GCNA: variants seen among roughly 807,000 people sequenced by gnomAD.
The protein encoded by GCNA is germ cell nuclear acidic peptidase.
Under a neutral mutation model 38.8 loss-of-function variants are expected in GCNA, and 3 were observed. The ratio of observed to expected loss-of-function variants is 0.08; its 90% CI spans 0.04 to 0.20. GCNA has a LOEUF of 0.20. Ranked by LOEUF, GCNA falls within the 10% of genes least tolerant of loss-of-function variation. The pLI is 1.00. For synonymous variants in GCNA, 195 were observed against 240.2 expected, an observed-to-expected ratio of 0.81 and a Z score of 1.74; for missense variants, 446 against 578.6, an observed-to-expected ratio of 0.77 and a Z score of 2.35.
intron 7 of GCNA, 80 bp downstream of exon 7, chrX:71,598,118 G>T (rs372784636): frequency 4.2e-6 from 3 of 714,836 alleles, no homozygotes; most frequent in South Asian, 2.5e-5. Context: ...ATCAGAGTCC[G>T]CAGACTTTCT....
intron 4 of GCNA, among the ~76,000 whole-genome samples, chrX:71,593,598 A>T (rs2040647288): frequency 9.5e-6 from 1 of 104,793 alleles, no homozygotes; most frequent in Non-Finnish European, 2.0e-5. Flanking sequence ...AAGAGGCCCC[A>T]GCATCGTGGC....
intron 9 of GCNA, among the ~76,000 whole-genome samples, chrX:71,607,266 G>T (rs747921297): frequency 1.8e-5 from 2 of 112,350 alleles, no homozygotes; most frequent in Non-Finnish European, 3.8e-5. Flanking sequence ...AGGCAGAAAT[G>T]TTTGAGTCCC....
chrX:71,611,544 T>TAAATTTTA (rs1287970209), intron 11 of GCNA, among the ~76,000 whole-genome samples: 1 of 111,945 alleles, frequency 8.9e-6, no homozygotes, highest in Non-Finnish European at 1.9e-5. Flanking sequence ...ACTTAGTCTC[T>TAAATTTTA]AAAATGTTTT....
chrX:71,601,169 C>A (rs1428357009), intron 7 of GCNA, among the ~76,000 whole-genome samples: 1 of 111,242 alleles, frequency 9.0e-6, no homozygotes, highest in East Asian at 2.8e-4. Flanking sequence ...CATGGTGAAA[C>A]CCCGTCTCTA....
intron 6 of GCNA, 143 bp from the exon 7 acceptor site, chrX:71,597,807 A>G: frequency 1.1e-5 from 5 of 442,381 alleles, no homozygotes; most frequent in Non-Finnish European, 2.0e-5. Context: ...AGGATTGAGT[A>G]GTTCCAAAGG....
chrX:71,581,270 T>A (rs1342779589), intron 2 of GCNA, among the ~76,000 whole-genome samples: 1 of 112,329 alleles, frequency 8.9e-6, no homozygotes, highest in Non-Finnish European at 1.9e-5. Context: ...TTGTTTTAAA[T>A]TTTTTTATGG....
intron 2 of GCNA, among the ~76,000 whole-genome samples, chrX:71,584,275 C>T (rs1422652050): frequency 1.8e-5 from 2 of 110,364 alleles, no homozygotes; most frequent in Non-Finnish European, 3.8e-5. Flanking sequence ...TTGTTTGAGA[C>T]GGTATTACTC....
chrX:71,605,342 G>C lies in GCNA; in HGVS notation c.1400-321G>C, dbSNP rs749165326. The stretch of plus-strand genomic sequence containing the variant: ...ACTCATTGGAGCAGGTGTGTGAGCT[G>C]TTCCATAGCACCCCTTCGACTGTGC... On this transcript the variant is annotated intron_variant, in intron 8 of 12. Coordinates refer to ENST00000373696, the MANE Select transcript of GCNA (RefSeq NM_052957.5). 2.7e-5 allele frequency among the ~76,000 whole-genome samples: 3 copies of C among 112,850 alleles called. No homozygotes were observed. In the South Asian group the frequency reaches 1.1e-3, roughly 41 times the overall value.
intron 6 of GCNA, among the ~76,000 whole-genome samples, chrX:71,595,108 T>A (rs138775711): frequency 1.8e-5 from 2 of 111,818 alleles, no homozygotes; most frequent in African/African-American, 3.2e-5. Context: ...AGTTTAGTTT[T>A]GTTTTGTTTT....
intron 2 of GCNA, among the ~76,000 whole-genome samples, chrX:71,586,865 C>G (rs2040589438): frequency 8.9e-6 from 1 of 111,814 alleles, no homozygotes; most frequent in Non-Finnish European, 1.9e-5. Flanking sequence ...CTGCCTCAGC[C>G]TCCCAAAATG....
At chrX:71,591,317 GC>G (rs886826384) in intron 2 of GCNA, among the ~76,000 whole-genome samples, 1 of 109,911 alleles carries the variant, frequency 9.1e-6, no homozygotes, top group Non-Finnish European at 1.9e-5. Flanking sequence ...AGGCAAAGTA[GC>G]CTGCCACAGA....
At chrX:71,607,665 C>A (rs2040778179) in intron 9 of GCNA, among the ~76,000 whole-genome samples, 1 of 112,523 alleles carries the variant, frequency 8.9e-6, no homozygotes, top group Admixed American at 9.4e-5. Flanking sequence ...TCAGGAGATT[C>A]ACTGTCTCTG....
At chrX:71,606,349 A>G in intron 9 of GCNA, among the ~76,000 whole-genome samples, 1 of 112,471 alleles carries the variant, frequency 8.9e-6, no homozygotes, top group Non-Finnish European at 1.9e-5. Context: ...TAAGCTATAT[A>G]TAGTTGATAC....
At chrX:71,585,447 GTTA>G (rs2040578684) in intron 2 of GCNA, among the ~76,000 whole-genome samples, 1 of 111,439 alleles carries the variant, frequency 9.0e-6, no homozygotes, top group Non-Finnish European at 1.9e-5. Flanking sequence ...TGGGTTATGT[GTTA>G]TTATTAGCCC....
At chrX:71,611,338 C>T (rs2040808736) in intron 11 of GCNA, among the ~76,000 whole-genome samples, 1 of 111,875 alleles carries the variant, frequency 8.9e-6, no homozygotes, top group Non-Finnish European at 1.9e-5. Flanking sequence ...ACCACTAGCC[C>T]ATGCCCCAGA....
chrX:71,604,323 C>A lies in GCNA; in HGVS notation c.1046C>A (p.Ser349Ter). The part of the protein sequence containing the change: ...EDLCNEGQIA[S>*]DEEELVEAAA... ...TTGTGTAATGAAGGCCAAATTGCTT[C>A]AGATGAAGAAGAGCTGGTTGAGGCT... Residue 349 changes from serine (S) to a stop codon, truncating the protein, a stop_gained, in exon 8 of 13, where the codon TCA (serine) becomes TAA (stop). Transcript: ENST00000373696. LOFTEE classifies it high-confidence loss of function. 8.2e-7 allele frequency: 1 copy of A among 1,212,232 alleles called. No individual in the cohort carries two copies. The highest frequency in any genetic ancestry group is 1.1e-6 in the Non-Finnish European group (1 of 895,651).
intron 2 of GCNA, among the ~76,000 whole-genome samples, chrX:71,585,820 C>T (rs942082973): frequency 2.0e-5 from 2 of 101,024 alleles, no homozygotes; most frequent in Admixed American, 2.3e-4. Flanking sequence ...TCTTTCACAA[C>T]TTGAGGTTTT....
intron 12 of GCNA, 26 bp from the exon 13 acceptor site, chrX:71,612,836 T>C: frequency 4.1e-6 from 5 of 1,205,951 alleles, no homozygotes; most frequent in Non-Finnish European, 5.6e-6. Flanking sequence ...GATTCTTTTG[T>C]TGTGTGTTGT....
rs36019324 is a variant in GCNA, at chrX:71,592,137, T to C, written c.75T>C (p.Val25=). 171 of 1,204,535 alleles carry C rather than the reference T, an allele frequency of 1.4e-4. No individual in the cohort carries two copies. Among genetic ancestry groups the C allele is most frequent in the Non-Finnish European group, 1.8e-4 (163 of 891,211 alleles). The part of the protein sequence containing the change: ...EEDEDCYILN[V]QSSSDDTSGS... Reference sequence around the variant, plus strand: ...ATTTTTGCAGTTACATCCTTAATGTTCAGTCAAGCAGTGATGACACCAGTG... The same window carrying C: ...ATTTTTGCAGTTACATCCTTAATGTCCAGTCAAGCAGTGATGACACCAGTG... Residue 25 remains valine, a synonymous_variant, in exon 3 of 13, where the codon GTT becomes GTC. Transcript: ENST00000373696.
Sources: gnomAD v4.1 joint callset for allele counts (sites outside exome capture counted in the v4.1 genomes callset) on GRCh38, gnomAD v4.1.1 for gene constraint, MANE v1.5 for transcripts, NCBI Gene and HGNC (gene_info 2026-07-23, HGNC 2026-07-21) for gene names.